Variants in MCF2L observed in about 807,000 individuals in gnomAD.
MCF2L encodes MCF.2 cell line derived transforming sequence like, also known as guanine nucleotide exchange factor DBS.
A neutral mutation model predicts 153.4 loss-of-function variants in MCF2L; 97 were observed. That is an observed-to-expected ratio of 0.63 (90% CI 0.54 to 0.75). MCF2L has a LOEUF of 0.75. MCF2L is among the 30% of genes least tolerant of loss of function. MCF2L has a pLI of 0.00. For synonymous variants in MCF2L, 659 were observed against 632.2 expected (o/e 1.04, Z -0.64); for missense variants, 1,347 against 1,495.2 (o/e 0.90, Z 1.64).
At position 113,073,587 on chromosome 13, in the gene MCF2L, A is replaced by G. The variant is rs2033133989; in HGVS notation, c.997-857A>G. 2.6e-5 allele frequency among the ~76,000 whole-genome samples: 4 copies of G among 152,284 alleles called. No individual in the cohort carries two copies. The South Asian group carries it at 8.3e-4, about 32-fold the overall frequency. ...ATCATTTCCAATAACAAAAATTAAA[A>G]GCTTTTGTATTTAAAGGAATAAGTG... On this transcript the variant is annotated intron_variant, in intron 9 of 29. Coordinates refer to ENST00000535094, the MANE Select transcript of MCF2L (RefSeq NM_001112732.3).
At chr13:112,992,984 CTCAG>C (rs954144507) in intron 1 of MCF2L, among the ~76,000 whole-genome samples, 9 of 152,260 alleles carry the variant, frequency 5.9e-5, no homozygotes, top group Non-Finnish European at 1.3e-4. Context: ...GCAGCCCCGG[CTCAG>C]TCTCTGCCAA....
rs2085661149 is a variant in MCF2L, at chr13:113,031,062, GAGAGACAGAGACAGACAGATACAGAC to G, written c.278+6320_278+6345del. ...AGACAGAGACAGACAGATACAGACA[GAGAGACAGAGACAGACAGATACAGAC>G]AGAGACAGAGACAGAGAGAGACAGA... is the stretch of plus-strand genomic sequence containing the variant. On this transcript the variant is annotated intron_variant, in intron 3 of 29. Coordinates refer to ENST00000535094, the MANE Select transcript of MCF2L (RefSeq NM_001112732.3). The surrounding 1 kb of genome is among the most constrained non-coding windows in gnomAD (Gnocchi z 5.5). 1.3e-5 allele frequency among the ~76,000 whole-genome samples: 1 copy of G among 78,410 alleles called. No individual in the cohort carries two copies. The highest frequency in any genetic ancestry group is 6.9e-5 in the African/African-American group (1 of 14,538). 51.4% of individuals were successfully genotyped at this position (78,410 alleles called of 152,430 possible). A position where few individuals can be genotyped will look rare whatever the true frequency, so the allele number is the denominator to read the frequency against.
intron 20 of MCF2L, 23 bp downstream of exon 20, chr13:113,085,201 C>G: frequency 6.2e-7 from 1 of 1,605,554 alleles, no homozygotes; most frequent in Non-Finnish European, 8.5e-7. Context: ...GTGACCGTGG[C>G]CCGGCCTCCC....
At position 113,048,437 on chromosome 13, in the gene MCF2L, C is replaced by CTTT. The variant is rs35857164; in HGVS notation, c.369+3095_369+3097dup. Among the ~76,000 whole-genome samples, 558 of 104,110 alleles carry CTTT rather than the reference C, an allele frequency of 5.4e-3. 1 individual carries two copies. The highest frequency in any genetic ancestry group is 7.2e-3 in the Non-Finnish European group (392 of 54,204). The allele number at this position is 104,110 out of a possible 152,430, so 68.3% of individuals were successfully genotyped here. On this transcript the variant is annotated intron_variant, in intron 4 of 29. Transcript: ENST00000535094. ...CTTTCTTGCTATAATAATTTACGGTCTTTTTTTTTTTTTTTTTTTTTGAGA... is the reference window on the plus strand; with the variant it reads ...CTTTCTTGCTATAATAATTTACGGTCTTTTTTTTTTTTTTTTTTTTTTTTGAGA...
At chr13:112,999,395 C>A (rs1302300855) in intron 1 of MCF2L, among the ~76,000 whole-genome samples, 1 of 152,244 alleles carries the variant, frequency 6.6e-6, no homozygotes, top group Non-Finnish European at 1.5e-5. Context: ...CCACACGACG[C>A]CCTCTCCTTA....
intron 4 of MCF2L, among the ~76,000 whole-genome samples, chr13:113,049,743 C>A (rs541594499): frequency 6.6e-6 from 1 of 152,320 alleles, no homozygotes; most frequent in East Asian, 1.9e-4. Context: ...TGCCTCCAAG[C>A]GCTCGGCCAC....
chr13:112,969,017 C>A (rs937263848), upstream of MCF2L, among the ~76,000 whole-genome samples: 1 of 150,826 alleles, frequency 6.6e-6, no homozygotes, highest in Non-Finnish European at 1.5e-5. The surrounding 1 kb of genome is among the most constrained non-coding windows in gnomAD (Gnocchi z 4.8). Context: ...TCCCAGGTGA[C>A]CTCGTTGGTG....
intron 1 of MCF2L, among the ~76,000 whole-genome samples, chr13:112,898,928 A>G (rs1594292461): frequency 1.3e-5 from 2 of 151,020 alleles, no homozygotes; most frequent in South Asian, 4.2e-4. Flanking sequence ...CCACCACCCC[A>G]TCCCACCACC....
rs149799179 is a variant in MCF2L, at chr13:112,952,219, G to A, written c.169+49848G>A. Among the ~76,000 whole-genome samples, 348 of 152,330 alleles carry A rather than the reference G, an allele frequency of 2.3e-3. 1 individual carries two copies. Among genetic ancestry groups the A allele is most frequent in the African/African-American group, 7.9e-3 (329 of 41,566 alleles). On this transcript the variant is annotated intron_variant, in intron 2 of 29. Coordinates refer to the MCF2L transcript ENST00000375608. ...AATATTCAGAGCCGGGCAGAGGGAGGTGGAAGGCAGCAGGCTACACTGTGC... is the reference window on the plus strand; with the variant it reads ...AATATTCAGAGCCGGGCAGAGGGAGATGGAAGGCAGCAGGCTACACTGTGC...
intron 2 of MCF2L, among the ~76,000 whole-genome samples, chr13:112,933,079 A>G (rs1259579741): frequency 6.6e-6 from 1 of 151,840 alleles, no homozygotes; most frequent in East Asian, 1.9e-4. Flanking sequence ...GGAAGGAGAA[A>G]AGAAAGAAAC....
chr13:113,089,649 A>G lies in MCF2L; in HGVS notation c.2874A>G (p.Glu958=). 1 of 1,614,030 alleles carries G rather than the reference A, an allele frequency of 6.2e-7. No individual in the cohort carries two copies. Among genetic ancestry groups the G allele is most frequent in the Non-Finnish European group, 8.5e-7 (1 of 1,180,004 alleles). The part of the protein sequence containing the change: ...RGNSRNIKKL[E]ERKTDPLSLE... ...ACTCAAGGAACATCAAGAAGCTGGAAGAAAGGAAAACAGACCCCCTAAGCC... is the reference window on the plus strand; with the variant it reads ...ACTCAAGGAACATCAAGAAGCTGGAGGAAAGGAAAACAGACCCCCTAAGCC... Residue 958 remains glutamate (E), a synonymous_variant, in exon 26 of 30, where the codon GAA becomes GAG. Coordinates refer to ENST00000535094, the MANE Select transcript of MCF2L (RefSeq NM_001112732.3).
chr13:113,092,088 A>G (rs80238657), intron 26 of MCF2L, among the ~76,000 whole-genome samples: 3,099 of 152,218 alleles, frequency 0.02, 29 homozygotes, highest in Middle Eastern at 0.054. Flanking sequence ...GGGAGAAGGG[A>G]GTCATTTCCC....
chr13:112,992,326 A>G (rs1283608543), intron 1 of MCF2L, among the ~76,000 whole-genome samples: 1 of 152,234 alleles, frequency 6.6e-6, no homozygotes, highest in East Asian at 1.9e-4. Context: ...ATACTTGGCC[A>G]TGTTTAGTGG....
intron 5 of MCF2L, among the ~76,000 whole-genome samples, chr13:113,063,392 GCTGC>G (rs2031837869): frequency 6.6e-6 from 1 of 151,408 alleles, no homozygotes; most frequent in East Asian, 1.9e-4. Flanking sequence ...TGTCCACACA[GCTGC>G]CCACGGTGTC....
At chr13:112,995,008 C>T (rs1011235128) in intron 1 of MCF2L, among the ~76,000 whole-genome samples, 1 of 152,254 alleles carries the variant, frequency 6.6e-6, no homozygotes, top group African/African-American at 2.4e-5. Context: ...TCCCCAGGGG[C>T]GCCTCCCTCC....
At chr13:112,927,292 A>AT (rs1053450152) in intron 2 of MCF2L, among the ~76,000 whole-genome samples, 2 of 152,166 alleles carry the variant, frequency 1.3e-5, no homozygotes, top group African/African-American at 4.8e-5. Context: ...GTTATTTGCA[A>AT]TTTTTTAATA....
chr13:112,938,734 A>T (rs2081547011), intron 2 of MCF2L, among the ~76,000 whole-genome samples: 1 of 152,182 alleles, frequency 6.6e-6, no homozygotes, highest in Non-Finnish European at 1.5e-5. Context: ...TGTAACAATC[A>T]AAGTTTTGGC....
At chr13:112,944,186 T>TGTGAGGGGAGAGTCCCGGGCC (rs2081610283) in intron 2 of MCF2L, among the ~76,000 whole-genome samples, 1 of 113,698 alleles carries the variant, frequency 8.8e-6, no homozygotes, top group Non-Finnish European at 1.8e-5. Flanking sequence ...GCTCCTGGGC[T>TGTGAGGGGAGAGTCCCGGGCC]GTGAGGGGAG....
At chr13:112,958,568 C>T (rs761097011) in intron 2 of MCF2L, among the ~76,000 whole-genome samples, 4 of 152,250 alleles carry the variant, frequency 2.6e-5, no homozygotes, top group African/African-American at 9.6e-5. Context: ...CACCAAAGAC[C>T]AGGCTGCATC....
Sources: gnomAD v4.1 joint callset for allele counts (sites outside exome capture counted in the v4.1 genomes callset) on GRCh38, gnomAD v4.1.1 for gene constraint, Gnocchi (gnomAD v3.1) non-coding constraint, MANE v1.5 for transcripts, NCBI Gene and HGNC (gene_info 2026-07-23, HGNC 2026-07-21) for gene names.